Variants in ADAMTS17 observed in about 807,000 individuals in gnomAD.
The protein encoded by ADAMTS17 is A disintegrin and metalloproteinase with thrombospondin motifs 17.
ADAMTS17 carries 113 observed loss-of-function variants against 141.5 expected under a neutral mutation model. That is an observed-to-expected ratio of 0.80 (90% CI 0.69 to 0.93). The LOEUF is 0.93. ADAMTS17 is among the 40% of genes least tolerant of loss of function. The pLI is 0.00. For synonymous variants in ADAMTS17, 768 were observed against 630.6 expected, an observed-to-expected ratio of 1.22 and a Z score of -3.27; for missense variants, 1,659 against 1,517.9, an observed-to-expected ratio of 1.09 and a Z score of -1.54.
At chr15:99,981,913 A>T (rs186625469) in intron 20 of ADAMTS17, among the ~76,000 whole-genome samples, 1 of 152,346 alleles carries the variant, frequency 6.6e-6, no homozygotes, top group East Asian at 1.9e-4. Flanking sequence ...TAAAATCCAC[A>T]GGTAATATAC....
chr15:100,297,116 TA>T (rs2044850379), intron 3 of ADAMTS17, among the ~76,000 whole-genome samples: 1 of 151,600 alleles, frequency 6.6e-6, no homozygotes, highest in East Asian at 1.9e-4. Context: ...AGTTAACAGA[TA>T]GGGGTGGGGG....
At chr15:100,265,448 G>A (rs2043678593) in intron 4 of ADAMTS17, among the ~76,000 whole-genome samples, 1 of 152,234 alleles carries the variant, frequency 6.6e-6, no homozygotes, top group Non-Finnish European at 1.5e-5. Context: ...AGCTCTGGCG[G>A]CATCCCAGCA....
At chr15:100,307,881 G>T (rs1359497908) in intron 3 of ADAMTS17, among the ~76,000 whole-genome samples, 1 of 152,174 alleles carries the variant, frequency 6.6e-6, no homozygotes, top group East Asian at 1.9e-4. Flanking sequence ...ATCTATAATG[G>T]TGCCCTGCAG....
intron 7 of ADAMTS17, among the ~76,000 whole-genome samples, chr15:100,235,292 C>A (rs552742255): frequency 6.6e-6 from 1 of 152,300 alleles, no homozygotes; most frequent in East Asian, 1.9e-4. Context: ...AGGCAAGGGC[C>A]TGTGCAGTGC....
chr15:100,338,252 G>A lies in ADAMTS17; in HGVS notation c.450+2787C>T, dbSNP rs184654104. ...TGGAACAGGTGCTTTACTCTCCATG[G>A]CCCCTAAACAGCTACGGAATGATCT... On this transcript the variant is annotated intron_variant, in intron 2 of 21. Transcript: ENST00000268070. 1.6e-4 allele frequency among the ~76,000 whole-genome samples: 25 copies of A among 152,182 alleles called. 1 individual carries two copies. Among genetic ancestry groups the A allele is most frequent in the Admixed American group, 1.6e-3 (25 of 15,278 alleles).
intron 8 of ADAMTS17, among the ~76,000 whole-genome samples, chr15:100,160,486 A>G (rs1016418822): frequency 3.9e-4 from 59 of 152,230 alleles, no homozygotes; most frequent in African/African-American, 1.4e-3. Flanking sequence ...CTTTCTCAGT[A>G]GACAACTTGG....
chr15:100,288,269 CAAAG>C (rs1341025439), intron 3 of ADAMTS17, among the ~76,000 whole-genome samples: 12 of 152,086 alleles, frequency 7.9e-5, no homozygotes, highest in Non-Finnish European at 1.8e-4. Flanking sequence ...TTTAAAAAGA[CAAAG>C]AAGGGCATTA....
chr15:100,130,820 T>C (rs1448423240), intron 12 of ADAMTS17, among the ~76,000 whole-genome samples: 1 of 150,686 alleles, frequency 6.6e-6, no homozygotes, highest in Non-Finnish European at 1.5e-5. Context: ...TTAAAAGAAA[T>C]GGTAAGAAAT....
Position 100,189,810 on chromosome 15 carries a change from C to G in ADAMTS17, c.1181+9508G>C, listed in dbSNP as rs75904105. ...CCTGTCTTTCTCTTTAGCAATCCAC[C>G]CGAATGCAATCTGGGAAAGCCGTGG... On this transcript the variant is annotated intron_variant, in intron 8 of 21. Coordinates refer to ENST00000268070, the MANE Select transcript of ADAMTS17 (RefSeq NM_139057.4). Among the ~76,000 whole-genome samples the G allele has an allele frequency of 5.6e-4, 86 of 152,340 alleles. 1 individual carries two copies. The East Asian group carries it at 0.013, about 22-fold the overall frequency.
chr15:99,973,975 G>T lies in ADAMTS17; in HGVS notation c.*427C>A, dbSNP rs2060266097. ...ACCAACACCTGCCCCTCCCTCCATG[G>T]TGTCGCCGGCTTTCAGAATAAAGCC... On this transcript the variant is annotated 3_prime_UTR_variant, in exon 22 of 22. Transcript: ENST00000268070. 1 of 198,470 alleles carries T rather than the reference G, an allele frequency of 5.0e-6. No homozygotes were observed. Among genetic ancestry groups the T allele is most frequent in the Non-Finnish European group, 9.4e-6 (1 of 106,450 alleles). The allele number at this position is 198,470 out of a possible 1,614,324, so 12.3% of individuals were successfully genotyped here.
intron 4 of ADAMTS17, among the ~76,000 whole-genome samples, chr15:100,273,786 A>T (rs1391721325): frequency 1.3e-5 from 2 of 152,058 alleles, no homozygotes; most frequent in African/African-American, 2.4e-5. Context: ...AGATTGTTTG[A>T]GATTTTTCTT....
chr15:100,048,587 C>T (rs2141575248), intron 18 of ADAMTS17, among the ~76,000 whole-genome samples: 1 of 139,880 alleles, frequency 7.1e-6, no homozygotes, highest in African/African-American at 2.8e-5. Flanking sequence ...GTGGTGATGG[C>T]CATTTTTTTT....
intron 4 of ADAMTS17, among the ~76,000 whole-genome samples, chr15:100,272,961 T>C (rs1192742757): frequency 1.3e-5 from 2 of 152,152 alleles, no homozygotes; most frequent in East Asian, 3.8e-4. Context: ...TCATTTTCTC[T>C]TTTCATTTTG....
In ADAMTS17 at chr15:100,071,778, G is replaced by A. The variant is rs552368115; in HGVS notation, c.2138-17724C>T. ...TCTCAAAATAATAAGAGCTATTTAT[G>A]ACAAACCCATAGCCAATATCATACC... On this transcript the variant is annotated intron_variant, in intron 15 of 21. Coordinates refer to ENST00000268070, the MANE Select transcript of ADAMTS17 (RefSeq NM_139057.4). Among the ~76,000 whole-genome samples, 6 of 150,382 alleles carry A rather than the reference G, an allele frequency of 4.0e-5. No homozygotes were observed. In the East Asian group the frequency reaches 1.2e-3, roughly 29 times the overall value.
intron 3 of ADAMTS17, among the ~76,000 whole-genome samples, chr15:100,296,239 C>G (rs2044805519): frequency 6.6e-6 from 1 of 152,002 alleles, no homozygotes; most frequent in African/African-American, 2.4e-5. Context: ...ATTGCCAGGT[C>G]CAAGAAAACT....
At chr15:100,261,862 A>T (rs1226432574) in intron 5 of ADAMTS17, among the ~76,000 whole-genome samples, 3 of 152,158 alleles carry the variant, frequency 2.0e-5, no homozygotes, top group Non-Finnish European at 4.4e-5. Flanking sequence ...TGCTGTTTTT[A>T]AAAAAGCATC....
intron 15 of ADAMTS17, among the ~76,000 whole-genome samples, chr15:100,070,072 A>G (rs1419227097): frequency 6.7e-6 from 1 of 150,256 alleles, no homozygotes; most frequent in Admixed American, 6.7e-5. Context: ...ATGGAAAACA[A>G]AAAAAGGCAG....
chr15:99,988,273 C>T lies in ADAMTS17; in HGVS notation c.2949+4775G>A, dbSNP rs903212854. Among the ~76,000 whole-genome samples the T allele has an allele frequency of 1.1e-4, 17 of 152,124 alleles. No individual in the cohort carries two copies. In the East Asian group the frequency reaches 1.7e-3, roughly 16 times the overall value. On this transcript the variant is annotated intron_variant, in intron 20 of 21. Coordinates refer to ENST00000268070, the MANE Select transcript of ADAMTS17 (RefSeq NM_139057.4). ...CAGGAATGCCTTGATGTCCTTCCCA[C>T]GGTCATGAGTGGGTTCTTGCTCTGT...
At chr15:100,173,049 G>C (rs757013254) in intron 8 of ADAMTS17, among the ~76,000 whole-genome samples, 10 of 152,184 alleles carry the variant, frequency 6.6e-5, no homozygotes, top group Non-Finnish European at 1.2e-4. Flanking sequence ...GGTCTAAGGG[G>C]TGGGGTGGGG....
Sources: gnomAD v4.1 joint callset for allele counts (sites outside exome capture counted in the v4.1 genomes callset) on GRCh38, gnomAD v4.1.1 for gene constraint, MANE v1.5 for transcripts, NCBI Gene and HGNC (gene_info 2026-07-23, HGNC 2026-07-21) for gene names.